PRDM6: variants seen among roughly 807,000 people sequenced by gnomAD.
The protein encoded by PRDM6 is putative histone-lysine N-methyltransferase PRDM6.
In PRDM6, 25 loss-of-function variants were observed where a neutral mutation model predicts 60.8. That is an observed-to-expected ratio of 0.41 (90% CI 0.30 to 0.57). The LOEUF is 0.57. PRDM6 is among the 20% of genes least tolerant of loss of function. The pLI, the probability that PRDM6 is intolerant of heterozygous loss-of-function variation, is 0.27. For missense variants in PRDM6, 839 were observed against 821.3 expected, an observed-to-expected ratio of 1.02 and a Z score of -0.26; for synonymous variants, 407 against 357.4, an observed-to-expected ratio of 1.14 and a Z score of -1.57.
chr5:123,134,911 C>T (rs1764920277), intron 3 of PRDM6, among the ~76,000 whole-genome samples: 1 of 151,838 alleles, frequency 6.6e-6, no homozygotes, highest in Non-Finnish European at 1.5e-5. Context: ...ATTTAACCTG[C>T]AGTGGTTGAC....
intron 3 of PRDM6, among the ~76,000 whole-genome samples, chr5:123,109,954 C>A (rs964489348): frequency 3.9e-5 from 6 of 152,174 alleles, no homozygotes; most frequent in Non-Finnish European, 8.8e-5. Flanking sequence ...AAGATCATCT[C>A]AGTGTCCAGA....
intron 6 of PRDM6, among the ~76,000 whole-genome samples, chr5:123,176,748 G>C (rs1192817591): frequency 1.3e-5 from 2 of 152,102 alleles, no homozygotes; most frequent in African/African-American, 4.8e-5. Flanking sequence ...TTTCCATTTA[G>C]TTGTGCAATG....
chr5:123,129,556 G>A (rs1764772388), intron 3 of PRDM6, among the ~76,000 whole-genome samples: 1 of 152,078 alleles, frequency 6.6e-6, no homozygotes, highest in African/African-American at 2.4e-5. Flanking sequence ...ACCAAATTCA[G>A]GACTTGGTAT....
intron 3 of PRDM6, among the ~76,000 whole-genome samples, chr5:123,155,489 G>A (rs1223845969): frequency 6.6e-6 from 1 of 151,970 alleles, no homozygotes; most frequent in Non-Finnish European, 1.5e-5. Context: ...GGGCAGTTGT[G>A]TGTTTGAGAC....
intron 3 of PRDM6, among the ~76,000 whole-genome samples, chr5:123,132,196 T>C (rs1484156993): frequency 6.6e-6 from 1 of 152,212 alleles, no homozygotes; most frequent in Non-Finnish European, 1.5e-5. Flanking sequence ...TTCCTTTGTC[T>C]ATTACTTGAG....
chr5:123,161,253 G>A (rs1345986852), intron 5 of PRDM6, among the ~76,000 whole-genome samples: 3 of 152,200 alleles, frequency 2.0e-5, no homozygotes, highest in African/African-American at 4.8e-5. Context: ...GTTCAGATGT[G>A]TAAGGAACAC....
chr5:123,100,148 T>A (rs1181603063), intron 3 of PRDM6, among the ~76,000 whole-genome samples, 187 bp downstream of exon 3: 1 of 152,126 alleles, frequency 6.6e-6, no homozygotes, highest in Non-Finnish European at 1.5e-5. Flanking sequence ...GCACCTGCAG[T>A]AAGGAGGCTG....
chr5:123,133,237 A>G (rs1051888901), intron 3 of PRDM6, among the ~76,000 whole-genome samples: 7 of 152,152 alleles, frequency 4.6e-5, no homozygotes, highest in Non-Finnish European at 7.4e-5. Context: ...TCTTACTATT[A>G]TAGGTAATGC....
chr5:123,181,203 A>G (rs1241341346), intron 7 of PRDM6, among the ~76,000 whole-genome samples: 1 of 152,236 alleles, frequency 6.6e-6, no homozygotes, highest in African/African-American at 2.4e-5. Flanking sequence ...ACAAAGGTGA[A>G]TGACATTTAG....
chr5:123,187,071 C>T lies in PRDM6; in HGVS notation c.1674-16C>T, dbSNP rs777532348. On this transcript the variant is annotated splice_polypyrimidine_tract_variant and intron_variant, in intron 7 of 7. Transcript: ENST00000407847. ...CCCCGCTCCCTGGTCTCAATTTTCTCTCTTGCCTCCACCAGGTGCGAGAGG... is the reference window on the plus strand; with the variant it reads ...CCCCGCTCCCTGGTCTCAATTTTCTTTCTTGCCTCCACCAGGTGCGAGAGG... 16 of 1,547,302 alleles carry T rather than the reference C, an allele frequency of 1.0e-5. No individual in the cohort carries two copies. In the South Asian group the frequency reaches 1.7e-4, roughly 16 times the overall value.
Position 123,090,140 on chromosome 5 carries a change from TCTC to T in PRDM6, c.129_131del (p.Leu44del). 1 of 1,532,752 alleles carries T rather than the reference TCTC, an allele frequency of 6.5e-7. No individual in the cohort carries two copies. The highest frequency in any genetic ancestry group is 8.8e-7 in the Non-Finnish European group (1 of 1,139,950). The allele number at this position is 1,532,752 out of a possible 1,614,324, so 94.9% of individuals were successfully genotyped here. The stretch of plus-strand genomic sequence containing the variant: ...CGCTCAAGGGCAGCGGCGCCGCGGG[TCTC>T]CTGAGCGCGCCGCAGCCTCTTCAGC... On this transcript the variant is annotated inframe_deletion, in exon 2 of 8. Transcript: ENST00000407847.
intron 2 of PRDM6, among the ~76,000 whole-genome samples, chr5:123,094,811 C>A (rs1561797247): frequency 6.6e-6 from 1 of 152,184 alleles, no homozygotes; most frequent in Non-Finnish European, 1.5e-5. Flanking sequence ...AGGTTTATCT[C>A]TGCGCAATAT....
At chr5:123,094,108 G>A (rs1226166274) in intron 2 of PRDM6, among the ~76,000 whole-genome samples, 2 of 152,146 alleles carry the variant, frequency 1.3e-5, no homozygotes, top group Non-Finnish European at 2.9e-5. Context: ...CAAGGGTTTA[G>A]GGAGAGGGGC....
At position 123,188,740 on chromosome 5, in the gene PRDM6, A is replaced by G. The variant is rs941576514; in HGVS notation, c.*1539A>G. ...GAGACACATAACTGAACTCACTACTAAAAGGCAAGGATACTGTGTGGTTTA... is the reference window on the plus strand; with the variant it reads ...GAGACACATAACTGAACTCACTACTGAAAGGCAAGGATACTGTGTGGTTTA... On this transcript the variant is annotated 3_prime_UTR_variant, in exon 8 of 8. Coordinates refer to ENST00000407847, the MANE Select transcript of PRDM6 (RefSeq NM_001136239.4). 2.6e-5 allele frequency: 4 copies of G among 152,148 alleles called. No homozygotes were observed. Among genetic ancestry groups the G allele is most frequent in the African/African-American group, 9.7e-5 (4 of 41,432 alleles). 9.4% of individuals were successfully genotyped at this position (152,148 alleles called of 1,614,324 possible).
intron 3 of PRDM6, among the ~76,000 whole-genome samples, chr5:123,126,432 A>G (rs532805829): frequency 6.6e-6 from 1 of 151,968 alleles, no homozygotes; most frequent in South Asian, 2.1e-4. Context: ...CATCTCCTTA[A>G]TAACAGAGGG....
chr5:123,109,764 T>C (rs991963900), intron 3 of PRDM6, among the ~76,000 whole-genome samples: 2 of 152,154 alleles, frequency 1.3e-5, no homozygotes, highest in Non-Finnish European at 2.9e-5. Flanking sequence ...GTAAGCAAAA[T>C]GCTAGCTGAA....
intron 3 of PRDM6, among the ~76,000 whole-genome samples, chr5:123,138,271 G>A (rs1272489563): frequency 6.6e-6 from 1 of 152,192 alleles, no homozygotes; most frequent in Non-Finnish European, 1.5e-5. Context: ...AAATGCAAAA[G>A]GAAGCAGTAG....
At chr5:123,154,989 T>C (rs1765459835) in intron 3 of PRDM6, among the ~76,000 whole-genome samples, 1 of 152,176 alleles carries the variant, frequency 6.6e-6, no homozygotes, top group Non-Finnish European at 1.5e-5. Flanking sequence ...TCTCCCTAAG[T>C]GCCCTGAATC....
chr5:123,141,697 G>C (rs1437889196), intron 3 of PRDM6, among the ~76,000 whole-genome samples: 5 of 152,078 alleles, frequency 3.3e-5, no homozygotes, highest in Non-Finnish European at 7.4e-5. Flanking sequence ...TCTGTATTTA[G>C]CTATGCCTAG....
Sources: gnomAD v4.1 joint callset for allele counts (sites outside exome capture counted in the v4.1 genomes callset) on GRCh38, gnomAD v4.1.1 for gene constraint, MANE v1.5 for transcripts, NCBI Gene and HGNC (gene_info 2026-07-23, HGNC 2026-07-21) for gene names.